KANK1: variants seen among roughly 807,000 people sequenced by gnomAD.
KANK1 encodes KN motif and ankyrin repeat domain-containing protein 1.
A neutral mutation model predicts 106.2 loss-of-function variants in KANK1; 109 were observed. The ratio of observed to expected loss-of-function variants is 1.03; its 90% CI spans 0.88 to 1.20. The LOEUF (loss-of-function observed/expected upper bound fraction) is 1.20, where lower values mean the gene tolerates loss of function less well. KANK1 is among the 50% of genes most tolerant of loss of function. The probability of loss-of-function intolerance (pLI) is 0.00; values close to 1 mark genes in which losing one functional copy is unlikely to be tolerated. For synonymous variants in KANK1, 873 were observed against 652.2 expected, an observed-to-expected ratio of 1.34 and a Z score of -5.16; for missense variants, 2,399 against 1,710.7, an observed-to-expected ratio of 1.40 and a Z score of -7.10.
chr9:703,211 C>T (rs1044451827), intron 2 of KANK1, among the ~76,000 whole-genome samples: 2 of 152,038 alleles, frequency 1.3e-5, no homozygotes, highest in African/African-American at 4.8e-5. Context: ...AGGCTGGTCT[C>T]GAACTCCTGA....
intron 1 of KANK1, among the ~76,000 whole-genome samples, chr9:633,418 C>A (rs527362931): frequency 5.9e-5 from 9 of 151,992 alleles, no homozygotes; most frequent in Admixed American, 2.0e-4. Flanking sequence ...TGATCGCGCC[C>A]CTGCACTCCA....
intron 1 of KANK1, among the ~76,000 whole-genome samples, chr9:619,781 T>C (rs1198419801): frequency 6.6e-6 from 1 of 152,178 alleles, no homozygotes; most frequent in Non-Finnish European, 1.5e-5. Context: ...GATTTTTAAA[T>C]ACTTTAAACA....
chr9:632,405 G>C (rs897282476), intron 1 of KANK1, among the ~76,000 whole-genome samples: 17 of 152,168 alleles, frequency 1.1e-4, no homozygotes, highest in Non-Finnish European at 2.4e-4. Flanking sequence ...ATCTTAAAAT[G>C]AAAGTTGAAT....
At chr9:725,472 G>A (rs1347785960) in intron 3 of KANK1, among the ~76,000 whole-genome samples, 1 of 147,494 alleles carries the variant, frequency 6.8e-6, no homozygotes, top group African/African-American at 2.6e-5. Flanking sequence ...ACTCCAGCCT[G>A]GGTGACAGAG....
chr9:741,762 C>T (rs969449232), intron 9 of KANK1, among the ~76,000 whole-genome samples: 6 of 152,096 alleles, frequency 3.9e-5, no homozygotes, highest in Admixed American at 1.3e-4. Context: ...GCTGGGATTA[C>T]AGGCGTGAGC....
intron 1 of KANK1, among the ~76,000 whole-genome samples, chr9:616,862 C>G (rs1252033961): frequency 6.6e-6 from 1 of 152,172 alleles, no homozygotes; most frequent in Admixed American, 6.5e-5. Context: ...AAAACTTCTT[C>G]CTGGAAGTGA....
At chr9:638,208 G>A (rs1837586854) in intron 1 of KANK1, among the ~76,000 whole-genome samples, 1 of 152,184 alleles carries the variant, frequency 6.6e-6, no homozygotes, top group Admixed American at 6.5e-5. Context: ...GCTTATGATA[G>A]AATTCCTAAA....
At chr9:484,287 C>G (rs973470142) in intron 3 of KANK1, 2 of 152,214 alleles carry the variant, frequency 1.3e-5, no homozygotes, top group Admixed American at 1.3e-4. Flanking sequence ...TTCAGGCTAG[C>G]TGTGTGGCCT....
At chr9:692,355 T>G (rs2139532882) in intron 2 of KANK1, among the ~76,000 whole-genome samples, 1 of 149,842 alleles carries the variant, frequency 6.7e-6, no homozygotes, top group East Asian at 2.0e-4. Context: ...GGGGCTTGGT[T>G]TATACCAAAT....
chr9:738,541 A>C, intron 8 of KANK1, 37 bp downstream of exon 8: 1 of 1,530,310 alleles, frequency 6.5e-7, no homozygotes, highest in Non-Finnish European at 9.1e-7. Flanking sequence ...CTTCTCTAAC[A>C]GTACTTGGGT....
chr9:673,913 C>G (rs898496089), intron 1 of KANK1: 4 of 152,070 alleles, frequency 2.6e-5, no homozygotes, highest in African/African-American at 9.7e-5. Context: ...TGGTTGTTAG[C>G]TTTTAAAAGC....
At chr9:505,639 G>A (rs373603681) in intron 1 of KANK1, among the ~76,000 whole-genome samples, 1 of 152,228 alleles carries the variant, frequency 6.6e-6, no homozygotes, top group African/African-American at 2.4e-5. Flanking sequence ...CTGCACGAGC[G>A]TGACCTAGTG....
At chr9:610,151 A>C (rs1044026127) in intron 1 of KANK1, among the ~76,000 whole-genome samples, 1 of 152,232 alleles carries the variant, frequency 6.6e-6, no homozygotes, top group East Asian at 1.9e-4. Flanking sequence ...ATAATAAGTT[A>C]CTTCCTTGCG....
At chr9:579,648 A>G (rs564028358) in intron 1 of KANK1, among the ~76,000 whole-genome samples, 1 of 151,982 alleles carries the variant, frequency 6.6e-6, no homozygotes, top group African/African-American at 2.4e-5. Context: ...ATGGTGGGGG[A>G]GGTAGGTGGG....
rs2061237677 is a variant in KANK1, at chr9:550,851, T to C, written c.-84+46097T>C. 2.6e-5 allele frequency among the ~76,000 whole-genome samples: 4 copies of C among 152,246 alleles called. No individual in the cohort carries two copies. In the South Asian group the frequency reaches 8.3e-4, roughly 32 times the overall value. ...ATTCTTTCTCCGAACTGTCTATACTTTATTAAAGTCTTCTTTTTCCCAGAC... is the reference window on the plus strand; with the variant it reads ...ATTCTTTCTCCGAACTGTCTATACTCTATTAAAGTCTTCTTTTTCCCAGAC... On this transcript the variant is annotated intron_variant, in intron 1 of 11. Transcript: ENST00000382297.
At chr9:735,966 G>A (rs1833687889) in intron 7 of KANK1, among the ~76,000 whole-genome samples, 1 of 152,124 alleles carries the variant, frequency 6.6e-6, no homozygotes, top group Non-Finnish European at 1.5e-5. Flanking sequence ...CTGCACTCAA[G>A]CCTGGGTGAC....
At chr9:509,131 G>T (rs138569476) in intron 1 of KANK1, among the ~76,000 whole-genome samples, 1 of 151,994 alleles carries the variant, frequency 6.6e-6, no homozygotes, top group Non-Finnish European at 1.5e-5. Context: ...GCGGAGTCTT[G>T]CTCTGTCACC....
At chr9:634,791 T>C (rs1836675934) in intron 1 of KANK1, among the ~76,000 whole-genome samples, 1 of 152,326 alleles carries the variant, frequency 6.6e-6, no homozygotes, top group East Asian at 1.9e-4. Context: ...TTTCTCTCAA[T>C]GTCATCATTT....
At chr9:649,816 C>A (rs1840488359) in intron 1 of KANK1, among the ~76,000 whole-genome samples, 1 of 152,084 alleles carries the variant, frequency 6.6e-6, no homozygotes, top group African/African-American at 2.4e-5. Flanking sequence ...TGCTTTTGTC[C>A]CCCTGCCCAC....
Sources: gnomAD v4.1 joint callset for allele counts (sites outside exome capture counted in the v4.1 genomes callset) on GRCh38, gnomAD v4.1.1 for gene constraint, MANE v1.5 for transcripts, NCBI Gene and HGNC (gene_info 2026-07-23, HGNC 2026-07-21) for gene names.